BAZ1B: variants seen among roughly 807,000 people sequenced by gnomAD.
The protein encoded by BAZ1B is bromodomain adjacent to zinc finger domain 1B, also known as tyrosine-protein kinase BAZ1B.
Under a neutral mutation model 153.8 loss-of-function variants are expected in BAZ1B, and 22 were observed. The ratio of observed to expected loss-of-function variants is 0.14; its 90% confidence interval spans 0.10 to 0.20. The LOEUF is 0.20. Among genes scored for constraint, BAZ1B ranks in the 10% least tolerant of loss-of-function variants. The pLI is 1.00. For missense variants in BAZ1B, 1,325 were observed against 1,799.3 expected (o/e 0.74, Z 4.77); for synonymous variants, 676 against 633.4 (o/e 1.07, Z -1.01).
chr7:73,489,136 G>T, intron 6 of BAZ1B, 58 bp downstream of exon 6: 1 of 1,508,572 alleles, frequency 6.6e-7, no homozygotes, highest in Non-Finnish European at 9.2e-7. Context: ...ATATACTGGA[G>T]CCATCAGAGA....
At chr7:73,473,542 C>G (rs543885304) in intron 7 of BAZ1B, among the ~76,000 whole-genome samples, 1 of 151,900 alleles carries the variant, frequency 6.6e-6, no homozygotes, top group Non-Finnish European at 1.5e-5. Context: ...GACAGAGCGA[C>G]GCTCTGTATC....
chr7:73,469,130 CAA>C (rs57498905), intron 9 of BAZ1B, among the ~76,000 whole-genome samples: 19 of 76,280 alleles, frequency 2.5e-4, no homozygotes, highest in Admixed American at 4.5e-4. Flanking sequence ...AATTCCGTCT[CAA>C]AAAAAAAAAA....
intron 13 of BAZ1B, among the ~76,000 whole-genome samples, chr7:73,451,758 A>C (rs1174073245): frequency 6.6e-6 from 1 of 152,186 alleles, no homozygotes; most frequent in Non-Finnish European, 1.5e-5. Flanking sequence ...CTCCTTCCTT[A>C]CTTTTGCAGA....
intron 1 of BAZ1B, among the ~76,000 whole-genome samples, chr7:73,518,246 CAA>C (rs34315305): frequency 8.6e-5 from 11 of 127,500 alleles, no homozygotes; most frequent in African/African-American, 1.2e-4. Flanking sequence ...CTAAAAATAC[CAA>C]AAAAAAAAAA....
chr7:73,475,428 G>C (rs1449342377), intron 7 of BAZ1B, among the ~76,000 whole-genome samples: 4 of 152,150 alleles, frequency 2.6e-5, no homozygotes, highest in African/African-American at 9.7e-5. Flanking sequence ...CTACAACATG[G>C]ATGAACCTGG....
chr7:73,511,919 T>C (rs1380154240), intron 1 of BAZ1B, among the ~76,000 whole-genome samples: 1 of 146,336 alleles, frequency 6.8e-6, no homozygotes, highest in Admixed American at 7.1e-5. Flanking sequence ...TAATCCCAGC[T>C]ACTCAGGAGG....
intron 1 of BAZ1B, among the ~76,000 whole-genome samples, chr7:73,513,447 A>G (rs2115585504): frequency 6.6e-6 from 1 of 152,332 alleles, no homozygotes; most frequent in South Asian, 2.1e-4. Context: ...TGGTGCTAAT[A>G]TCTAAGTGAT....
At chr7:73,465,324 A>T (rs1788540462) in intron 11 of BAZ1B, 115 bp downstream of exon 11, 1 of 649,406 alleles carries the variant, frequency 1.5e-6, no homozygotes, top group Admixed American at 3.4e-5. Context: ...AAACGGTTAC[A>T]CATTTAAAAT....
intron 7 of BAZ1B, among the ~76,000 whole-genome samples, chr7:73,474,742 T>C (rs2116328872): frequency 6.6e-6 from 1 of 152,212 alleles, no homozygotes; most frequent in Non-Finnish European, 1.5e-5. Context: ...GCCACTGCAC[T>C]AGCCTGGGCA....
intron 13 of BAZ1B, among the ~76,000 whole-genome samples, chr7:73,458,965 TAGAC>T (rs1788295279): frequency 6.6e-6 from 1 of 152,072 alleles, no homozygotes. Flanking sequence ...AGTAAACTGG[TAGAC>T]CAGGAGTGGT....
intron 6 of BAZ1B, among the ~76,000 whole-genome samples, chr7:73,479,993 C>T (rs1789139034): frequency 6.6e-6 from 1 of 151,966 alleles, no homozygotes; most frequent in African/African-American, 2.4e-5. Context: ...CACGGTGAAA[C>T]CCAGTCTCTA....
chr7:73,497,666 T>C (rs112360038), intron 4 of BAZ1B, among the ~76,000 whole-genome samples: 5 of 152,144 alleles, frequency 3.3e-5, no homozygotes, highest in South Asian at 2.1e-4. Context: ...AATACATTCA[T>C]TGAAAAAATA....
intron 6 of BAZ1B, among the ~76,000 whole-genome samples, chr7:73,479,419 A>C (rs999460568): frequency 6.6e-6 from 1 of 151,254 alleles, no homozygotes; most frequent in South Asian, 2.1e-4. Flanking sequence ...TGAGGCTCGA[A>C]ATTGCTTGAA....
chr7:73,450,890 A>G lies in BAZ1B; in HGVS notation c.3537T>C (p.Asp1179=). ...TGCACCTAGCATTTTCTGCGGACAT[A>G]TCCCACTTGATACAGGCATCAAGCA... ...LGMLDACIKW[D]MSAENARCKV... Residue 1179 remains aspartate, a synonymous_variant, in exon 14 of 20, where the codon GAT becomes GAC. Transcript: ENST00000339594. This position sits in a 1 kb window ranked among gnomAD's most constrained non-coding sequence, Gnocchi z 4.1. 1 of 1,614,156 alleles carries G rather than the reference A, an allele frequency of 6.2e-7. No individual in the cohort carries two copies. The highest frequency in any genetic ancestry group is 2.2e-5 in the East Asian group (1 of 44,896).
At chr7:73,447,839 T>C (rs1340290484) in intron 15 of BAZ1B, among the ~76,000 whole-genome samples, 2 of 152,210 alleles carry the variant, frequency 1.3e-5, no homozygotes, top group African/African-American at 4.8e-5. Context: ...CTGAAACAGC[T>C]TGCAGATGAC....
At chr7:73,495,277 C>T (rs1464772998) in intron 4 of BAZ1B, among the ~76,000 whole-genome samples, 2 of 151,924 alleles carry the variant, frequency 1.3e-5, no homozygotes, top group Non-Finnish European at 1.5e-5. Context: ...AGCGAGACTC[C>T]GTCTCAAAAA....
In BAZ1B at chr7:73,492,940, AT is replaced by A. The variant is rs1789710258; in HGVS notation, c.572-20del. 6.4e-7 allele frequency: 1 copy of A among 1,573,574 alleles called. No individual in the cohort carries two copies. Among genetic ancestry groups the A allele is most frequent in the African/African-American group, 1.4e-5 (1 of 72,548 alleles). On this transcript the variant is annotated intron_variant, in intron 4 of 19. Coordinates refer to ENST00000339594, the MANE Select transcript of BAZ1B (RefSeq NM_032408.4). ...CTGTCATCTAGTCAAATCATAGAAA[AT>A]TAGTGAAAAACGTAATTATTTTAAT...
chr7:73,504,068 G>A (rs1554577464), intron 3 of BAZ1B, among the ~76,000 whole-genome samples: 1 of 152,194 alleles, frequency 6.6e-6, no homozygotes, highest in African/African-American at 2.4e-5. Flanking sequence ...ACTGCTGATA[G>A]GTATGAGGCA....
At chr7:73,442,865 A>G (rs2116210417) in intron 17 of BAZ1B, 37 bp from the exon 18 acceptor site, 12 of 1,494,558 alleles carry the variant, frequency 8.0e-6, no homozygotes, top group Non-Finnish European at 1.1e-5. Flanking sequence ...TTACAGATTC[A>G]AGACAGGAGG....
Sources: gnomAD v4.1 joint callset for allele counts (sites outside exome capture counted in the v4.1 genomes callset) on GRCh38, gnomAD v4.1.1 for gene constraint, Gnocchi (gnomAD v3.1) non-coding constraint, MANE v1.5 for transcripts, NCBI Gene and HGNC (gene_info 2026-07-23, HGNC 2026-07-21) for gene names.